The following MCCC1 variants were observed in gnomAD, a reference collection of about 807,000 sequenced individuals.
MCCC1 encodes the protein methylcrotonyl-CoA carboxylase subunit 1, also known as methylcrotonoyl-CoA carboxylase subunit alpha, mitochondrial.
MCCC1 carries 64 observed loss-of-function variants against 83.8 expected under a neutral mutation model. The ratio of observed to expected loss-of-function variants is 0.76; its 90% CI spans 0.62 to 0.94. The LOEUF (loss-of-function observed/expected upper bound fraction) is 0.94, where lower values mean the gene tolerates loss of function less well. Ranked by LOEUF, MCCC1 falls within the 40% of genes least tolerant of loss-of-function variation. The pLI, the probability that MCCC1 is intolerant of heterozygous loss-of-function variation, is 0.00. For synonymous variants in MCCC1, 322 were observed against 315.4 expected (o/e 1.02, Z -0.22); for missense variants, 807 against 904.7 (o/e 0.89, Z 1.39).
intron 5 of MCCC1, among the ~76,000 whole-genome samples, 195 bp from the exon 6 acceptor site, chr3:183,071,552 C>T (rs1387564624): frequency 6.6e-6 from 1 of 152,144 alleles, no homozygotes; most frequent in Non-Finnish European, 1.5e-5. Flanking sequence ...GCTCATCTCA[C>T]CCTATTTTTT....
Position 183,072,561 on chromosome 3 carries a change from G to A in MCCC1, c.370-74C>T, listed in dbSNP as rs1716775926. 3.8e-6 allele frequency: 6 copies of A among 1,565,272 alleles called. No individual in the cohort carries two copies. The East Asian group carries it at 1.4e-4, about 35-fold the overall frequency. On this transcript the variant is annotated intron_variant, in intron 4 of 18. Coordinates refer to ENST00000265594, the MANE Select transcript of MCCC1 (RefSeq NM_020166.5). ...GCAACACCTTAATGCAGGTGAAGCT[G>A]TCTTCCTCTGGGAGGCCTCTCCCTA...
intron 9 of MCCC1, among the ~76,000 whole-genome samples, chr3:183,046,941 T>C (rs2108488934): frequency 6.6e-6 from 1 of 152,236 alleles, no homozygotes; most frequent in Admixed American, 6.5e-5. Context: ...GGTAGCTCAG[T>C]GTGGACAACT....
At chr3:183,115,968 G>C (rs540718910) in exon 1 of MCCC1, 3 of 152,394 alleles carry the variant, frequency 2.0e-5, no homozygotes, top group East Asian at 3.9e-4. Flanking sequence ...CACAGAGTGG[G>C]AGTGGGCTCG....
rs1365976959 is a variant in MCCC1 at position 183,064,662 on chromosome 3, ACACTGCCTCGGCCGACC to A, written c.761+6320_761+6336del. Among the ~76,000 whole-genome samples, 2 of 152,194 alleles carry A rather than the reference ACACTGCCTCGGCCGACC, an allele frequency of 1.3e-5. 1 individual carries two copies. ...AAGTCCACTGCGGGCACCGGCGGCC[ACACTGCCTCGGCCGACC>A]CACGTCCTGGCATGGCTGCTGGGCC... On this transcript the variant is annotated intron_variant, in intron 7 of 18. Transcript: ENST00000265594. This position sits in a 1 kb window ranked among gnomAD's most constrained non-coding sequence, Gnocchi z 4.5.
intron 10 of MCCC1, among the ~76,000 whole-genome samples, chr3:183,042,591 C>T (rs1714179519): frequency 6.6e-6 from 1 of 152,158 alleles, no homozygotes; most frequent in South Asian, 2.1e-4. Flanking sequence ...TTTCATTTTT[C>T]TGAATCTGTA....
In MCCC1 at chr3:183,092,543, T is replaced by G. The variant is rs142664377; in HGVS notation, c.139A>C (p.Arg47=). ...RTMKYTTATG[R]NITKVLIANR... is the part of the protein sequence containing the mutation. ...GCAATGAGGACCTTGGTAATGTTTC[T>G]TCCTGTTTAAAACACCATGAAAATC... is the stretch of plus-strand genomic sequence containing the variant. Residue 47 remains arginine, a splice_region_variant and synonymous_variant, in exon 3 of 19, where the codon AGA becomes CGA. Transcript: ENST00000265594. 5.0e-6 allele frequency: 8 copies of G among 1,614,188 alleles called. No individual in the cohort carries two copies. The Admixed American group carries it at 1.2e-4, about 24-fold the overall frequency.
upstream of MCCC1, among the ~76,000 whole-genome samples, chr3:183,100,146 TATCTA>T (rs1719070208): frequency 6.6e-6 from 1 of 152,132 alleles, no homozygotes; most frequent in African/African-American, 2.4e-5. Flanking sequence ...ATAAAATAGT[TATCTA>T]ATCAGAAATA....
At position 183,041,750 on chromosome 3, in the gene MCCC1, T is replaced by C. The variant is rs776474705; in HGVS notation, c.1084A>G (p.Ile362Val). 1.2e-6 allele frequency: 2 copies of C among 1,614,222 alleles called. No homozygotes were observed. The highest frequency in any genetic ancestry group is 8.5e-7 in the Non-Finnish European group (1 of 1,180,024). Residue 362 changes from isoleucine to valine, a missense_variant and splice_region_variant, in exon 11 of 19, where the codon ATT (isoleucine) becomes GTT (valine). Transcript: ENST00000265594. The stretch of plus-strand genomic sequence containing the variant: ...AAAGGAATCTTCTCTCCTGCTGCAA[T>C]CTGGCAATAGAATAGTGTTTCTTAT... ...GTDLVEWQLR[I>V]AAGEKIPLSQ...
intron 8 of MCCC1, among the ~76,000 whole-genome samples, chr3:183,055,409 CA>C (rs1444404183): frequency 6.7e-6 from 1 of 149,592 alleles, no homozygotes; most frequent in African/African-American, 2.5e-5. Flanking sequence ...AACTCCATCT[CA>C]AAAAAAAAGG....
In MCCC1 at chr3:183,052,008, T is replaced by C. The variant is rs570274863; in HGVS notation, c.955+151A>G. On this transcript the variant is annotated intron_variant, in intron 9 of 18. Coordinates refer to ENST00000265594, the MANE Select transcript of MCCC1 (RefSeq NM_020166.5). ...GTAAAAATAAACATTTATGTGTACA[T>C]ACTAAGTCTCAATATAAAATGTATT... 1.1e-5 allele frequency: 8 copies of C among 700,824 alleles called. No homozygotes were observed. In the East Asian group the frequency reaches 2.2e-4, roughly 19 times the overall value. 43.4% of individuals were successfully genotyped at this position (700,824 alleles called of 1,614,324 possible).
intron 14 of MCCC1, among the ~76,000 whole-genome samples, chr3:183,032,612 C>T (rs779627273): frequency 1.3e-5 from 2 of 152,158 alleles, no homozygotes; most frequent in Non-Finnish European, 2.9e-5. Context: ...TGGTGGCTCA[C>T]GCCTGTAATC....
At chr3:183,025,367 C>T (rs1712502680) in intron 15 of MCCC1, among the ~76,000 whole-genome samples, 1 of 152,062 alleles carries the variant, frequency 6.6e-6, no homozygotes, top group South Asian at 2.1e-4. Context: ...TGGTAAATAT[C>T]AAGAGATATA....
chr3:183,107,052 A>G (rs765736925), intron 1 of MCCC1, among the ~76,000 whole-genome samples: 14 of 152,156 alleles, frequency 9.2e-5, no homozygotes, highest in Non-Finnish European at 1.9e-4. Context: ...GTTAACACTG[A>G]TACATACTAT....
chr3:183,102,758 GTTTTTTTTT>G (rs566199257), upstream of MCCC1, among the ~76,000 whole-genome samples: 140 of 52,194 alleles, frequency 2.7e-3, 2 homozygotes, highest in Admixed American at 4.5e-3. Flanking sequence ...AGCAGAGAAA[GTTTTTTTTT>G]TTTTTTTTTT....
Position 183,099,286 on chromosome 3 carries a change from G to A in MCCC1, c.89+66C>T, listed in dbSNP as rs1275202662. On this transcript the variant is annotated intron_variant, in intron 1 of 18. Coordinates refer to ENST00000265594, the MANE Select transcript of MCCC1 (RefSeq NM_020166.5). ...CCTGGGTTCCGCCGCACCTCCCACCGCTCACGCGGGTCCGTGCACCCCTCG... is the reference window on the plus strand; with the variant it reads ...CCTGGGTTCCGCCGCACCTCCCACCACTCACGCGGGTCCGTGCACCCCTCG... 3.3e-6 allele frequency: 5 copies of A among 1,527,294 alleles called. No homozygotes were observed. The Admixed American group carries it at 7.8e-5, about 24-fold the overall frequency. 94.6% of individuals were successfully genotyped at this position (1,527,294 alleles called of 1,614,324 possible).
At chr3:183,105,946 G>A (rs1018748018) in intron 1 of MCCC1, among the ~76,000 whole-genome samples, 3 of 151,844 alleles carry the variant, frequency 2.0e-5, no homozygotes, top group East Asian at 1.9e-4. Flanking sequence ...AATATTAGCC[G>A]GACATGGTGG....
rs117133244 is a variant in MCCC1 at position 183,025,435 on chromosome 3, C to T, written c.1731+320G>A. Among the ~76,000 whole-genome samples, 6 of 152,208 alleles carry T rather than the reference C, an allele frequency of 3.9e-5. No individual in the cohort carries two copies. The East Asian group carries it at 9.6e-4, about 24-fold the overall frequency. On this transcript the variant is annotated intron_variant, in intron 15 of 18. Transcript: ENST00000265594. ...TTTAAAGAGTGTACAGTTCCTGAGA[C>T]AAAAAATGTGAAAACTGCTGCTTTT...
intron 3 of MCCC1, among the ~76,000 whole-genome samples, chr3:183,088,211 T>TGTGTG (rs1491209568): frequency 1.6e-5 from 2 of 126,664 alleles, no homozygotes; most frequent in African/African-American, 5.8e-5. Flanking sequence ...TTGTTGTGTG[T>TGTGTG]TTTTTTTTTT....
chr3:183,081,501 AAACTGG>A (rs750017187), intron 4 of MCCC1, among the ~76,000 whole-genome samples: 5 of 152,246 alleles, frequency 3.3e-5, no homozygotes, highest in Non-Finnish European at 5.9e-5. Flanking sequence ...GTTTGACAAA[AAACTGG>A]CTCTGCCTTC....
Sources: gnomAD v4.1 joint callset for allele counts (sites outside exome capture counted in the v4.1 genomes callset) on GRCh38, gnomAD v4.1.1 for gene constraint, Gnocchi (gnomAD v3.1) non-coding constraint, MANE v1.5 for transcripts, NCBI Gene and HGNC (gene_info 2026-07-23, HGNC 2026-07-21) for gene names.